FBXL5: variants seen among roughly 807,000 people sequenced by gnomAD.
The protein encoded by FBXL5 is F-box and leucine rich repeat protein 5, also known as F-box/LRR-repeat protein 5.
A neutral mutation model predicts 78.3 loss-of-function variants in FBXL5; 26 were observed. That is an observed-to-expected ratio of 0.33 (90% CI 0.24 to 0.46). FBXL5 has a LOEUF of 0.46. FBXL5 is among the 20% of genes least tolerant of loss of function. The pLI is 1.00. For synonymous variants in FBXL5, 295 were observed against 282.5 expected (o/e 1.04, Z -0.45); for missense variants, 710 against 829.2 (o/e 0.86, Z 1.77).
At chr4:15,629,177 C>T (rs1713375355) in intron 6 of FBXL5, among the ~76,000 whole-genome samples, 1 of 152,070 alleles carries the variant, frequency 6.6e-6, no homozygotes, top group Admixed American at 6.6e-5. Flanking sequence ...GATATATTAT[C>T]TAAAAAGGCT....
intron 1 of FBXL5, among the ~76,000 whole-genome samples, chr4:15,672,941 C>T (rs75628417): frequency 0.036 from 5,547 of 152,000 alleles, 209 homozygotes; most frequent in East Asian, 0.22. Flanking sequence ...CACAAATTAG[C>T]CTAGACTTAC....
At chr4:15,606,735 A>G (rs1374675612) in intron 10 of FBXL5, among the ~76,000 whole-genome samples, 1 of 152,244 alleles carries the variant, frequency 6.6e-6, no homozygotes, top group African/African-American at 2.4e-5. Flanking sequence ...ATTGTGATAT[A>G]AGGAACAATA....
At position 15,638,586 on chromosome 4, in the gene FBXL5, T is replaced by C. The variant is rs770364339; in HGVS notation, c.505A>G (p.Arg169Gly). The stretch of plus-strand genomic sequence containing the variant: ...GCATGATTCCATAGGCTAAGACCTC[T>C]AAGGAGTTCTGCAGTATCCTTCTGA... ...CSQKDTAELL[R>G]GLSLWNHAEE... Residue 169 changes from arginine to glycine, a missense_variant, in exon 4 of 11, where the codon AGA (arginine) becomes GGA (glycine). This residue lies in a region of FBXL5 where 517 missense variants were observed against 542.9 expected (regional missense o/e 0.95). Transcript: ENST00000341285. 5 of 1,613,478 alleles carry C rather than the reference T, an allele frequency of 3.1e-6. No homozygotes were observed. Among genetic ancestry groups the C allele is most frequent in the African/African-American group, 1.3e-5 (1 of 75,034 alleles).
At chr4:15,612,625 T>A (rs536081870) in intron 9 of FBXL5, among the ~76,000 whole-genome samples, 1 of 152,214 alleles carries the variant, frequency 6.6e-6, no homozygotes, top group African/African-American at 2.4e-5. Flanking sequence ...CAACATTCAA[T>A]AAAGAAATCT....
upstream of FBXL5, among the ~76,000 whole-genome samples, chr4:15,655,775 C>T (rs1447458529): frequency 1.3e-5 from 2 of 152,216 alleles, no homozygotes; most frequent in East Asian, 3.9e-4. Flanking sequence ...GTGACCAATG[C>T]TTCTGGCCAG....
At chr4:15,669,729 G>C (rs1040726915) in intron 1 of FBXL5, among the ~76,000 whole-genome samples, 10 of 152,216 alleles carry the variant, frequency 6.6e-5, no homozygotes, top group African/African-American at 2.2e-4. Context: ...CTCAATACTA[G>C]TTGGTCAGTA....
intron 9 of FBXL5, among the ~76,000 whole-genome samples, chr4:15,623,613 G>C (rs921672585): frequency 3.3e-5 from 5 of 152,024 alleles, no homozygotes; most frequent in Non-Finnish European, 7.4e-5. Context: ...ATTACAGTTA[G>C]GAATACAGAC....
rs182039580 is a variant in FBXL5 at position 15,613,688 on chromosome 4, G to T, written c.1851-1274C>A. Among the ~76,000 whole-genome samples the T allele has an allele frequency of 3.3e-5, 5 of 152,042 alleles. No homozygotes were observed. The East Asian group carries it at 9.7e-4, about 29-fold the overall frequency. ...TTTGAAAGCCTTGTCTTCAAGCTCTGAAGTTCTTTCTTTTGTTTGTTCAAT... is the reference window on the plus strand; with the variant it reads ...TTTGAAAGCCTTGTCTTCAAGCTCTTAAGTTCTTTCTTTTGTTTGTTCAAT... On this transcript the variant is annotated intron_variant, in intron 9 of 10. Transcript: ENST00000341285.
At chr4:15,605,860 T>A in intron 10 of FBXL5, 61 bp from the exon 11 acceptor site, 1 of 1,373,494 alleles carries the variant, frequency 7.3e-7, no homozygotes, top group South Asian at 1.2e-5. Context: ...AAAAATAATT[T>A]TGCTTATGAA....
At chr4:15,677,200 TTA>T (rs1482593194) in intron 1 of FBXL5, among the ~76,000 whole-genome samples, 3 of 152,134 alleles carry the variant, frequency 2.0e-5, no homozygotes, top group Non-Finnish European at 4.4e-5. Flanking sequence ...AAAGATACCT[TTA>T]TGTTATGTTT....
At chr4:15,627,054 G>T in intron 7 of FBXL5, 99 bp from the exon 8 acceptor site, 3 of 515,004 alleles carry the variant, frequency 5.8e-6, no homozygotes, top group Non-Finnish European at 6.7e-6. Flanking sequence ...ACAAACTTTT[G>T]TGAATATAAA....
At chr4:15,657,412 G>A (rs1377161131), upstream of FBXL5, among the ~76,000 whole-genome samples, 1 of 152,186 alleles carries the variant, frequency 6.6e-6, no homozygotes, top group Non-Finnish European at 1.5e-5. Context: ...AATATGCTAT[G>A]TTGTCTTGTC....
At chr4:15,623,663 A>T (rs990878116) in intron 9 of FBXL5, among the ~76,000 whole-genome samples, 1 of 152,208 alleles carries the variant, frequency 6.6e-6, no homozygotes, top group Non-Finnish European at 1.5e-5. Flanking sequence ...CTCAGAATAA[A>T]GTTATCTTTG....
intron 1 of FBXL5, among the ~76,000 whole-genome samples, chr4:15,680,624 C>T (rs1369347937): frequency 1.3e-5 from 2 of 151,782 alleles, no homozygotes; most frequent in African/African-American, 2.4e-5. Context: ...TGCAGTGAGC[C>T]GAGGCTGCGC....
chr4:15,663,360 ACT>A (rs1384767026), upstream of FBXL5, among the ~76,000 whole-genome samples: 22 of 152,240 alleles, frequency 1.4e-4, 1 homozygote, highest in Middle Eastern at 0.01. Flanking sequence ...ACCATAATAG[ACT>A]CTAGTCTCAG....
rs1425842819 is a variant in FBXL5 at position 15,625,690 on chromosome 4, G to A, written c.1412C>T (p.Ser471Phe). Residue 471 changes from serine (S) to phenylalanine (F), a missense_variant, in exon 9 of 11, where the codon TCT becomes TTT. This residue lies in a region of FBXL5 where 517 missense variants were observed against 542.9 expected (regional missense o/e 0.95). Coordinates refer to ENST00000341285, the MANE Select transcript of FBXL5 (RefSeq NM_012161.4). ...NEHPWTKPVS[S>F]ENFTSPYVWM... The stretch of plus-strand genomic sequence containing the variant: ...CACATAAGGAGAAGTGAAATTCTCA[G>A]AAGAAACAGGCTTAGTCCAGGGGTG... 3 of 1,614,218 alleles carry A rather than the reference G, an allele frequency of 1.9e-6. No individual in the cohort carries two copies. The South Asian group carries it at 3.3e-5, about 18-fold the overall frequency.
chr4:15,680,004 C>T (rs988456650), intron 1 of FBXL5, among the ~76,000 whole-genome samples: 6 of 151,840 alleles, frequency 4.0e-5, no homozygotes, highest in East Asian at 1.9e-4. Flanking sequence ...TCCACCTACG[C>T]GTGATTTACT....
intron 1 of FBXL5, among the ~76,000 whole-genome samples, chr4:15,670,370 A>G (rs1369397041): frequency 6.6e-6 from 1 of 152,226 alleles, no homozygotes; most frequent in African/African-American, 2.4e-5. Context: ...TCCGTTTTGC[A>G]TTCTTCATCC....
intron 1 of FBXL5, among the ~76,000 whole-genome samples, chr4:15,654,956 G>A (rs1490364256): frequency 6.6e-6 from 1 of 151,846 alleles, no homozygotes; most frequent in Non-Finnish European, 1.5e-5. Flanking sequence ...CAGCCGCCAG[G>A]CCCTCGGCAG....
Sources: gnomAD v4.1 joint callset for allele counts (sites outside exome capture counted in the v4.1 genomes callset) on GRCh38, gnomAD v4.1.1 for gene constraint, gnomAD v4.1.1 regional missense constraint, MANE v1.5 for transcripts, NCBI Gene and HGNC (gene_info 2026-07-23, HGNC 2026-07-21) for gene names.